Variants in FANCI observed in about 807,000 individuals in gnomAD.
The protein encoded by FANCI is FA complementation group I.
Under a neutral mutation model 176.1 loss-of-function variants are expected in FANCI, and 156 were observed. That is an observed-to-expected ratio of 0.89 (90% CI 0.78 to 1.01). The LOEUF (loss-of-function observed/expected upper bound fraction) is 1.01, where lower values mean the gene tolerates loss of function less well. Among genes scored for constraint, FANCI ranks in the 50% least tolerant of loss-of-function variants. The pLI is 0.00. For missense variants in FANCI, 1,678 were observed against 1,534.1 expected, an observed-to-expected ratio of 1.09 and a Z score of -1.57; for synonymous variants, 613 against 541.7, an observed-to-expected ratio of 1.13 and a Z score of -1.83.
intron 36 of FANCI, 48 bp downstream of exon 36, chr15:89,314,755 C>T (rs1364792367): frequency 1.5e-6 from 2 of 1,378,336 alleles, no homozygotes; most frequent in Non-Finnish European, 2.1e-6. Context: ...ACCTTCTTGA[C>T]AGATCTGGCA....
Position 89,307,470 on chromosome 15 carries a change from T to C in FANCI, c.3538-6T>C. On this transcript the variant is annotated splice_polypyrimidine_tract_variant and splice_region_variant and intron_variant, in intron 32 of 37. Transcript: ENST00000310775. Reference sequence around the variant, plus strand: ...TCTACTAAATCTAGGAATCTTTTTTTATTAGTATCTCCAGGTGTGTCAGAG... The same window carrying C: ...TCTACTAAATCTAGGAATCTTTTTTCATTAGTATCTCCAGGTGTGTCAGAG... 6.2e-7 allele frequency: 1 copy of C among 1,613,600 alleles called. No homozygotes were observed.
intron 10 of FANCI, among the ~76,000 whole-genome samples, chr15:89,271,162 C>A (rs539751756): frequency 6.6e-6 from 1 of 152,100 alleles, no homozygotes; most frequent in Non-Finnish European, 1.5e-5. Context: ...TTTTGAGGCA[C>A]AATTTACATA....
chr15:89,283,723 C>G (rs1420113304), intron 17 of FANCI, among the ~76,000 whole-genome samples: 2 of 151,628 alleles, frequency 1.3e-5, no homozygotes, highest in African/African-American at 4.8e-5. Flanking sequence ...AAATTACATA[C>G]ATGGCTTGCA....
At chr15:89,314,109 A>AGGG (rs1388998306) in intron 35 of FANCI, among the ~76,000 whole-genome samples, 32 of 149,676 alleles carry the variant, frequency 2.1e-4, no homozygotes, top group Non-Finnish European at 4.3e-4. Context: ...AATTCACGTT[A>AGGG]GGAGGAAAGA....
intron 2 of FANCI, among the ~76,000 whole-genome samples, chr15:89,255,560 C>T (rs375981253): frequency 4.5e-4 from 68 of 152,128 alleles, no homozygotes; most frequent in African/African-American, 1.6e-3. Flanking sequence ...TGTGATACTC[C>T]GAGAATGACA....
intron 23 of FANCI, among the ~76,000 whole-genome samples, 199 bp from the exon 24 acceptor site, chr15:89,294,716 C>T (rs2054188760): frequency 1.3e-5 from 2 of 152,040 alleles, no homozygotes; most frequent in East Asian, 3.9e-4. Context: ...AATGAGGAAC[C>T]ACTAAGAATA....
At position 89,281,767 on chromosome 15, in the gene FANCI, C is replaced by G; in HGVS notation, c.1515C>G (p.Pro505=). Residue 505 remains proline, a splice_region_variant and synonymous_variant, in exon 16 of 38, where the codon CCC becomes CCG. Transcript: ENST00000310775. ...TTTACCCACTGATTCTTTTTCAGCC[C>G]CTTCTCAAAGTCAGCATGTCAATGA... ...TVQRLLKAVQ[P]LLKVSMSMRD... 6.2e-7 allele frequency: 1 copy of G among 1,613,824 alleles called. No homozygotes were observed. Among genetic ancestry groups the G allele is most frequent in the Non-Finnish European group, 8.5e-7 (1 of 1,179,886 alleles).
chr15:89,267,498 ATAATC>A (rs1006094913), intron 9 of FANCI, among the ~76,000 whole-genome samples: 3 of 152,158 alleles, frequency 2.0e-5, no homozygotes, highest in African/African-American at 7.2e-5. Context: ...CCTTGAAAAA[ATAATC>A]TAATGTTATT....
intron 10 of FANCI, among the ~76,000 whole-genome samples, chr15:89,272,593 C>T (rs1177077822): frequency 6.6e-6 from 1 of 152,000 alleles, no homozygotes; most frequent in Non-Finnish European, 1.5e-5. Context: ...ATATGTTTTC[C>T]TCTAAAAATA....
At chr15:89,252,123 A>C (rs1346093620) in intron 2 of FANCI, among the ~76,000 whole-genome samples, 1 of 152,044 alleles carries the variant, frequency 6.6e-6, no homozygotes, top group African/African-American at 2.4e-5. Flanking sequence ...AACATGGTGA[A>C]ACCCCTTCTC....
At position 89,299,460 on chromosome 15, in the gene FANCI, A is replaced by G. The variant is rs532304489; in HGVS notation, c.2637-340A>G. Among the ~76,000 whole-genome samples the G allele has an allele frequency of 6.6e-5, 10 of 152,346 alleles. 1 individual carries two copies. The highest frequency in any genetic ancestry group is 2.2e-4 in the African/African-American group (9 of 41,588). Reference sequence around the variant, plus strand: ...ACCATTGCAAGAAAACTGCATAGCAATATCCCTGATGAATATAGAGTCTGC... The same window carrying G: ...ACCATTGCAAGAAAACTGCATAGCAGTATCCCTGATGAATATAGAGTCTGC... On this transcript the variant is annotated intron_variant, in intron 24 of 37. Transcript: ENST00000310775.
At chr15:89,250,808 C>T (rs531264815) in intron 2 of FANCI, among the ~76,000 whole-genome samples, 2 of 150,724 alleles carry the variant, frequency 1.3e-5, no homozygotes, top group Admixed American at 6.6e-5. Context: ...AACAAAAATA[C>T]TACATGTTAA....
chr15:89,266,165 G>GTTTT lies in FANCI; in HGVS notation c.755+1573_755+1576dup, dbSNP rs34065435. On this transcript the variant is annotated intron_variant, in intron 9 of 37. Transcript: ENST00000310775. ...GCACGTGACACCAAGCCTGGCTACT[G>GTTTT]TTTTTTTTTTTTTTTTTTGAGATGG... 2.1e-4 allele frequency among the ~76,000 whole-genome samples: 23 copies of GTTTT among 109,766 alleles called. 1 individual carries two copies. The highest frequency in any genetic ancestry group is 6.6e-4 in the African/African-American group (19 of 28,668). 72.0% of individuals were successfully genotyped at this position (109,766 alleles called of 152,430 possible).
At chr15:89,257,198 G>A (rs762050560) in intron 2 of FANCI, among the ~76,000 whole-genome samples, 11 of 152,114 alleles carry the variant, frequency 7.2e-5, no homozygotes, top group Non-Finnish European at 8.8e-5. Context: ...GAGCCACCAC[G>A]CTTGGCCAGA....
chr15:89,308,284 T>C (rs2054806535), intron 34 of FANCI: 1 of 575,110 alleles, frequency 1.7e-6, no homozygotes, highest in Non-Finnish European at 2.2e-6. Context: ...CAGATGCCAG[T>C]AGCAGCCCCC....
In FANCI at chr15:89,316,574, C is replaced by G. The variant is rs1237081560; in HGVS notation, c.*115C>G. On this transcript the variant is annotated 3_prime_UTR_variant, in exon 38 of 38. Coordinates refer to ENST00000310775, the MANE Select transcript of FANCI (RefSeq NM_001113378.2). ...GATGTTGGCATCTTGGTTCTGAACC[C>G]ACTGAATTCAACTGCACCTTCAGTT... is the stretch of plus-strand genomic sequence containing the variant. 9 of 1,195,836 alleles carry G rather than the reference C, an allele frequency of 7.5e-6. No individual in the cohort carries two copies. Among genetic ancestry groups the G allele is most frequent in the Non-Finnish European group, 1.1e-5 (9 of 820,050 alleles). The allele number at this position is 1,195,836 out of a possible 1,614,324, so 74.1% of individuals were successfully genotyped here.
rs775228768 is a variant in FANCI, at chr15:89,276,871, A to G, written c.1273A>G (p.Ile425Val). 4.3e-6 allele frequency: 7 copies of G among 1,614,184 alleles called. No individual in the cohort carries two copies. The highest frequency in any genetic ancestry group is 5.1e-6 in the Non-Finnish European group (6 of 1,180,028). ...GCATGCATGTAAGCTCGGAGCTAAT[A>G]TCCTGTTGGAAACTTTTAAGGTGAG... is the stretch of plus-strand genomic sequence containing the variant. ...NQHACKLGANILLETFKIHEM... is the reference protein window; with the variant it reads ...NQHACKLGANVLLETFKIHEM... The change falls in exon 13 of 38, where the codon ATC (isoleucine) becomes GTC (valine). Residue 425 changes from isoleucine to valine, a missense_variant. By Grantham distance (29) the Ile-to-Val change is conservative. This residue lies in a region of FANCI where 1,204 missense variants were observed against 1,077.4 expected (regional missense o/e 1.12). Transcript: ENST00000310775.
At chr15:89,309,704 G>C (rs920054933) in intron 34 of FANCI, among the ~76,000 whole-genome samples, 2 of 152,194 alleles carry the variant, frequency 1.3e-5, no homozygotes, top group African/African-American at 4.8e-5. Flanking sequence ...AGGCAACAGC[G>C]TGAGACCCTG....
At chr15:89,276,986 T>A in intron 13 of FANCI, 95 bp downstream of exon 13, 1 of 1,250,522 alleles carries the variant, frequency 8.0e-7, no homozygotes, top group Admixed American at 1.7e-5. Flanking sequence ...CAAGGAAATT[T>A]GAGTATGTAT....
Sources: gnomAD v4.1 joint callset for allele counts (sites outside exome capture counted in the v4.1 genomes callset) on GRCh38, gnomAD v4.1.1 for gene constraint, gnomAD v4.1.1 regional missense constraint, MANE v1.5 for transcripts, NCBI Gene and HGNC (gene_info 2026-07-23, HGNC 2026-07-21) for gene names.